Variants in LRP8 observed in about 807,000 individuals in gnomAD.
The protein encoded by LRP8 is LDL receptor related protein 8.
Under a neutral mutation model 111.6 loss-of-function variants are expected in LRP8, and 46 were observed. That is an observed-to-expected ratio of 0.41 (90% confidence interval 0.33 to 0.53). The LOEUF (loss-of-function observed/expected upper bound fraction) is 0.53, where lower values mean the gene tolerates loss of function less well. Among genes scored for constraint, LRP8 ranks in the 20% least tolerant of loss-of-function variants. The pLI is 0.20. For synonymous variants in LRP8, 464 were observed against 511.2 expected (o/e 0.91, Z 1.24); for missense variants, 959 against 1,297.4 (o/e 0.74, Z 4.01).
intron 2 of LRP8, among the ~76,000 whole-genome samples, chr1:53,298,532 C>T (rs1037989855): frequency 2.0e-5 from 3 of 152,200 alleles, no homozygotes; most frequent in African/African-American, 7.2e-5. Context: ...TGGGTTTTGG[C>T]ACTGGGATTG....
In LRP8 at chr1:53,294,684, G is replaced by T. The variant is rs1186579501; in HGVS notation, c.245-4995C>A. ...CCCATCCGTCAAACCTTCTGAGCTTGCCTCCTCCTCATCAGGAAATGGAGG... is the reference window on the plus strand; with the variant it reads ...CCCATCCGTCAAACCTTCTGAGCTTTCCTCCTCCTCATCAGGAAATGGAGG... On this transcript the variant is annotated intron_variant, in intron 2 of 18. Coordinates refer to ENST00000306052, the MANE Select transcript of LRP8 (RefSeq NM_004631.5). This position sits in a 1 kb window ranked among gnomAD's most constrained non-coding sequence, Gnocchi z 4.1. Among the ~76,000 whole-genome samples the T allele has an allele frequency of 6.6e-6, 1 of 152,166 alleles. No individual in the cohort carries two copies. The highest frequency in any genetic ancestry group is 1.5e-5 in the Non-Finnish European group (1 of 68,036).
intron 13 of LRP8, 32 bp downstream of exon 13, chr1:53,260,432 G>A (rs1646286760): frequency 8.7e-6 from 14 of 1,610,100 alleles, no homozygotes; most frequent in South Asian, 1.1e-5. Context: ...CACAGTCAGG[G>A]GACCTGGGAC....
At chr1:53,258,518 G>C (rs771769256) in intron 13 of LRP8, 47 bp from the exon 14 acceptor site, 1 of 1,570,566 alleles carries the variant, frequency 6.4e-7, no homozygotes, top group South Asian at 1.2e-5. Flanking sequence ...GGACATGCCA[G>C]GTCTTCCTGC....
chr1:53,259,791 A>G (rs1646260251), intron 13 of LRP8, among the ~76,000 whole-genome samples: 1 of 152,136 alleles, frequency 6.6e-6, no homozygotes, highest in Non-Finnish European at 1.5e-5. Context: ...AAAGCCCATA[A>G]GCCCGCGGTT....
intron 18 of LRP8, 62 bp from the exon 19 acceptor site, chr1:53,247,118 T>C (rs977361752): frequency 9.6e-6 from 13 of 1,351,696 alleles, no homozygotes; most frequent in Admixed American, 4.6e-5. Flanking sequence ...TATTTAGTAT[T>C]GACAAATCAC....
chr1:53,319,089 C>A (rs1380661569), intron 2 of LRP8, among the ~76,000 whole-genome samples: 1 of 152,206 alleles, frequency 6.6e-6, no homozygotes, highest in Non-Finnish European at 1.5e-5. Context: ...CTGGGTGAGT[C>A]TCTTATCCTC....
At chr1:53,320,117 GC>G (rs1654311370) in intron 2 of LRP8, among the ~76,000 whole-genome samples, 2 of 152,378 alleles carry the variant, frequency 1.3e-5, no homozygotes, top group East Asian at 3.9e-4. Flanking sequence ...GCATGAGAAA[GC>G]CCCTCACTAG....
chr1:53,307,006 C>T lies in LRP8; in HGVS notation c.245-17317G>A, dbSNP rs147476839. Among the ~76,000 whole-genome samples, 285 of 152,340 alleles carry T rather than the reference C, an allele frequency of 1.9e-3. 1 individual carries two copies. The highest frequency in any genetic ancestry group is 6.8e-3 in the Middle Eastern group (2 of 294). On this transcript the variant is annotated intron_variant, in intron 2 of 18. Coordinates refer to ENST00000306052, the MANE Select transcript of LRP8 (RefSeq NM_004631.5). Reference sequence around the variant, plus strand: ...TCAGGCCCAGCATTCTCCAGCAGCCCTGATATCTCCTCCTTGAAACAGGAA... The same window carrying T: ...TCAGGCCCAGCATTCTCCAGCAGCCTTGATATCTCCTCCTTGAAACAGGAA...
rs909328394 is a variant in LRP8 at position 53,276,916 on chromosome 1, G to C, written c.659C>G (p.Ala220Gly). ...EFRCGGDGGG[A>G]CIPERWVCDR... ...GCAGACCCAGCGCTCCGGGATGCAGGCGCCGCCGCCATCGCCGCCGCAGCG... is the reference window on the plus strand; with the variant it reads ...GCAGACCCAGCGCTCCGGGATGCAGCCGCCGCCGCCATCGCCGCCGCAGCG... Residue 220 changes from alanine to glycine, a missense_variant, in exon 5 of 19, where the codon GCC becomes GGC. Transcript: ENST00000306052. 7.0e-7 allele frequency: 1 copy of C among 1,436,992 alleles called. No homozygotes were observed. The highest frequency in any genetic ancestry group is 2.5e-5 in the Admixed American group (1 of 39,408). The allele number at this position is 1,436,992 out of a possible 1,614,324, so 89.0% of individuals were successfully genotyped here.
At chr1:53,251,674 A>AGG (rs1645900767) in intron 16 of LRP8, among the ~76,000 whole-genome samples, 2 of 151,504 alleles carry the variant, frequency 1.3e-5, no homozygotes, top group African/African-American at 4.9e-5. Flanking sequence ...GGAACAAGGC[A>AGG]GTTATCATTG....
At chr1:53,276,575 A>C in intron 5 of LRP8, 117 bp downstream of exon 5, 30 of 736,374 alleles carry the variant, frequency 4.1e-5, no homozygotes, top group Non-Finnish European at 5.5e-5. Context: ...CCTCTGTAGT[A>C]AACCCGGGTA....
chr1:53,326,326 C>T (rs6691468), intron 2 of LRP8, among the ~76,000 whole-genome samples: 1 of 152,090 alleles, frequency 6.6e-6, no homozygotes, highest in Non-Finnish European at 1.5e-5. Context: ...CCAGGGAACC[C>T]GAATACTACA....
At chr1:53,280,135 C>T (rs1034630031) in intron 4 of LRP8, among the ~76,000 whole-genome samples, 1 of 152,066 alleles carries the variant, frequency 6.6e-6, no homozygotes, top group Admixed American at 6.5e-5. Flanking sequence ...CCCCTCCCCC[C>T]AGCATTGCTG....
intron 15 of LRP8, among the ~76,000 whole-genome samples, 182 bp from the exon 16 acceptor site, chr1:53,255,367 C>G (rs1339127009): frequency 6.6e-6 from 1 of 152,108 alleles, no homozygotes; most frequent in African/African-American, 2.4e-5. Context: ...GCAAGCAGGA[C>G]AGAGGTTATC....
At position 53,326,976 on chromosome 1, in the gene LRP8, G is replaced by T. The variant is rs1655214585; in HGVS notation, c.141C>A (p.Cys47Ter). The change falls in exon 2 of 19, where the codon TGC becomes TGA. Residue 47 changes from cysteine (C) to a stop codon, truncating the protein, a stop_gained. Coordinates refer to ENST00000306052, the MANE Select transcript of LRP8 (RefSeq NM_004631.5). LOFTEE classifies it high-confidence loss of function. ...TCCGGCACTGGAATTGGTCCTTTTCGCAATCCTTGGCCGGCCCTGCGAGGG... is the reference window on the plus strand; with the variant it reads ...TCCGGCACTGGAATTGGTCCTTTTCTCAATCCTTGGCCGGCCCTGCGAGGG... ...LLGGQGPAKD[C>*]EKDQFQCRNE... 6.2e-7 allele frequency: 1 copy of T among 1,613,316 alleles called. No individual in the cohort carries two copies.
rs1651361305 is a variant in LRP8 at position 53,303,442 on chromosome 1, T to A, written c.245-13753A>T. On this transcript the variant is annotated intron_variant, in intron 2 of 18. Coordinates refer to ENST00000306052, the MANE Select transcript of LRP8 (RefSeq NM_004631.5). The surrounding 1 kb of genome is among the most constrained non-coding windows in gnomAD (Gnocchi z 4.3). ...GGGCCACAGCAGCCTCGCGCTCCCA[T>A]GGCAACCTCAGCAAAGCAATTGCAC... Among the ~76,000 whole-genome samples the A allele has an allele frequency of 1.3e-5, 2 of 152,298 alleles. No individual in the cohort carries two copies. The highest frequency in any genetic ancestry group is 4.1e-4 in the South Asian group (2 of 4,824).
At chr1:53,247,967 A>G (rs1645779357) in intron 18 of LRP8, among the ~76,000 whole-genome samples, 1 of 152,126 alleles carries the variant, frequency 6.6e-6, no homozygotes. Flanking sequence ...ACTTTTCCTC[A>G]TAGTTATGTG....
chr1:53,266,767 A>C lies in LRP8; in HGVS notation c.1253-120T>G. 3 of 838,104 alleles carry C rather than the reference A, an allele frequency of 3.6e-6. No individual in the cohort carries two copies. Among genetic ancestry groups the C allele is most frequent in the Non-Finnish European group, 5.8e-6 (3 of 515,272 alleles). The allele number at this position is 838,104 out of a possible 1,614,324, so 51.9% of individuals were successfully genotyped here. On this transcript the variant is annotated intron_variant, in intron 8 of 18. Transcript: ENST00000306052. The surrounding 1 kb of genome is among the most constrained non-coding windows in gnomAD (Gnocchi z 5.0). ...CCATTTTCCTTAAAATAGTAGTGACAATTCCTACTTTACAGGTTGCAGGAG... is the reference window on the plus strand; with the variant it reads ...CCATTTTCCTTAAAATAGTAGTGACCATTCCTACTTTACAGGTTGCAGGAG...
chr1:53,295,562 C>T (rs896996260), intron 2 of LRP8, among the ~76,000 whole-genome samples: 4 of 152,010 alleles, frequency 2.6e-5, no homozygotes, highest in Admixed American at 6.5e-5. Context: ...TTTGGGATTT[C>T]GTGAGGCCAT....
Sources: allele counts gnomAD v4.1 joint callset (sites outside exome capture counted in the v4.1 genomes callset), GRCh38; gene constraint gnomAD v4.1.1; non-coding constraint Gnocchi (gnomAD v3.1); transcripts MANE v1.5; gene names NCBI Gene and HGNC (gene_info 2026-07-23, HGNC 2026-07-21).